CPQ: variants seen among roughly 807,000 people sequenced by gnomAD.
CPQ encodes carboxypeptidase Q, also known as Ser-Met dipeptidase.
A neutral mutation model predicts 45.7 loss-of-function variants in CPQ; 37 were observed. The ratio of observed to expected loss-of-function variants is 0.81; its 90% CI spans 0.62 to 1.07. The LOEUF (loss-of-function observed/expected upper bound fraction) is 1.07. Ranked by LOEUF, CPQ falls within the 50% of genes least tolerant of loss-of-function variation. The probability of loss-of-function intolerance (pLI) is 0.00; values close to 1 mark genes in which losing one functional copy is unlikely to be tolerated. For missense variants in CPQ, 537 were observed against 572.9 expected (o/e 0.94, Z 0.64); for synonymous variants, 186 against 205.8 (o/e 0.90, Z 0.82).
intron 7 of CPQ, among the ~76,000 whole-genome samples, chr8:97,088,492 C>G (rs980738959): frequency 6.6e-6 from 1 of 152,150 alleles, no homozygotes; most frequent in Non-Finnish European, 1.5e-5. Flanking sequence ...ACTGCGCAAC[C>G]TAGAATGGCA....
intron 7 of CPQ, among the ~76,000 whole-genome samples, chr8:97,112,567 T>G (rs1811515483): frequency 6.6e-6 from 1 of 152,220 alleles, no homozygotes; most frequent in Non-Finnish European, 1.5e-5. Flanking sequence ...AGCAAGGATA[T>G]TCCCATCACA....
chr8:97,023,097 C>CTA (rs963650082), intron 5 of CPQ, among the ~76,000 whole-genome samples: 6 of 100,564 alleles, frequency 6.0e-5, no homozygotes, highest in South Asian at 3.4e-4. Flanking sequence ...TATGTATATA[C>CTA]TATATATATA....
intron 1 of CPQ, among the ~76,000 whole-genome samples, chr8:96,763,396 A>T (rs1168490889): frequency 3.3e-5 from 5 of 152,150 alleles, no homozygotes; most frequent in African/African-American, 1.2e-4. Flanking sequence ...ACAGCTGTCC[A>T]TATAAATATG....
At chr8:96,953,996 G>A (rs2130342471) in intron 4 of CPQ, among the ~76,000 whole-genome samples, 1 of 152,184 alleles carries the variant, frequency 6.6e-6, no homozygotes, top group Admixed American at 6.6e-5. Context: ...ATATCTCCAA[G>A]GTATTGATGG....
At chr8:96,910,240 GCC>G (rs573333316) in intron 4 of CPQ, among the ~76,000 whole-genome samples, 1 of 152,066 alleles carries the variant, frequency 6.6e-6, no homozygotes, top group Non-Finnish European at 1.5e-5. Flanking sequence ...TAAATGCCTT[GCC>G]CAATATGATA....
intron 5 of CPQ, among the ~76,000 whole-genome samples, chr8:97,028,510 C>T (rs77623189): frequency 6.6e-4 from 101 of 152,384 alleles, no homozygotes; most frequent in Non-Finnish European, 1.2e-3. Context: ...CACAGCTTCA[C>T]ATTTTTCTGT....
chr8:96,778,251 T>A (rs1810642197), intron 1 of CPQ, among the ~76,000 whole-genome samples: 1 of 151,948 alleles, frequency 6.6e-6, no homozygotes, highest in South Asian at 2.1e-4. Flanking sequence ...CCATTTTTGT[T>A]ACTTCTCCAA....
intron 1 of CPQ, among the ~76,000 whole-genome samples, chr8:96,686,901 A>T (rs1446022113): frequency 1.3e-5 from 2 of 152,110 alleles, no homozygotes; most frequent in Admixed American, 1.3e-4. Flanking sequence ...TTTATCTGGG[A>T]TGTGATTTCT....
At chr8:97,045,329 A>T (rs1810226512) in intron 6 of CPQ, among the ~76,000 whole-genome samples, 3 of 152,188 alleles carry the variant, frequency 2.0e-5, no homozygotes, top group Admixed American at 2.0e-4. Context: ...CCATTTTTTA[A>T]GCCCGTCGGA....
chr8:96,698,696 A>G (rs564530734), intron 1 of CPQ, among the ~76,000 whole-genome samples: 2 of 152,018 alleles, frequency 1.3e-5, no homozygotes, highest in Non-Finnish European at 2.9e-5. Flanking sequence ...ATGAATAGAT[A>G]TTTCTCAAAA....
chr8:96,998,573 A>T (rs1407179494), intron 5 of CPQ, among the ~76,000 whole-genome samples: 1 of 151,972 alleles, frequency 6.6e-6, no homozygotes, highest in Non-Finnish European at 1.5e-5. Flanking sequence ...GAGTATTCAT[A>T]TTCCAAAAAG....
At chr8:96,944,556 G>A (rs1327006077) in intron 4 of CPQ, among the ~76,000 whole-genome samples, 1 of 152,114 alleles carries the variant, frequency 6.6e-6, no homozygotes, top group Non-Finnish European at 1.5e-5. Context: ...CTGGAGGTGT[G>A]GAGTTTTTCA....
At position 97,066,058 on chromosome 8, in the gene CPQ, T is replaced by G; in HGVS notation, c.1103T>G (p.Phe368Cys). The G allele has an allele frequency of 6.2e-7, 1 of 1,611,726 alleles. No individual in the cohort carries two copies. Among genetic ancestry groups the G allele is most frequent in the East Asian group, 2.2e-5 (1 of 44,802 alleles). ...GTGATGGAGTCTGACGCAGGAACCT[T>G]CTTACCCACTGGGCTGCAATTCACT... ...SLVMESDAGT[F>C]LPTGLQFTGS... Residue 368 changes from phenylalanine (F) to cysteine (C), a missense_variant, in exon 7 of 8, where the codon TTC becomes TGC. Phe to Cys is a radical substitution (Grantham distance 205). Coordinates refer to ENST00000220763, the MANE Select transcript of CPQ (RefSeq NM_016134.4).
chr8:97,019,612 C>T (rs940083325), intron 5 of CPQ, among the ~76,000 whole-genome samples: 11 of 152,056 alleles, frequency 7.2e-5, no homozygotes, highest in Non-Finnish European at 1.6e-4. Flanking sequence ...AAGGCTCTAG[C>T]AGTTAAAAAA....
rs186524048 is a variant in CPQ at position 96,788,701 on chromosome 8, T to C, written c.433+3371T>C. ...TTTGAGAAGTTTTCAGCTATCATTT[T>C]CACAAATTCTTTTTCTTCCTTTTTT... On this transcript the variant is annotated intron_variant, in intron 2 of 7. Transcript: ENST00000220763. 4.7e-4 allele frequency among the ~76,000 whole-genome samples: 71 copies of C among 152,258 alleles called. 1 individual carries two copies. The highest frequency in any genetic ancestry group is 1.7e-3 in the African/African-American group (71 of 41,584).
intron 6 of CPQ, among the ~76,000 whole-genome samples, chr8:97,032,957 T>C (rs1809934386): frequency 6.6e-6 from 1 of 152,162 alleles, no homozygotes; most frequent in Non-Finnish European, 1.5e-5. Flanking sequence ...GGAAAGGATT[T>C]AGAAAAGGGA....
intron 4 of CPQ, among the ~76,000 whole-genome samples, chr8:96,911,866 A>G (rs1812668659): frequency 6.6e-6 from 1 of 152,188 alleles, no homozygotes; most frequent in Non-Finnish European, 1.5e-5. Flanking sequence ...AGCAGCCCAG[A>G]AGCAGCATCG....
intron 7 of CPQ, among the ~76,000 whole-genome samples, chr8:97,098,127 G>A (rs1563579457): frequency 1.3e-5 from 2 of 152,198 alleles, no homozygotes; most frequent in South Asian, 2.1e-4. Flanking sequence ...TTGATGGAGA[G>A]AGTTGGGGAT....
Position 97,143,065 on chromosome 8 carries a change from A to G in CPQ, c.1301A>G (p.His434Arg), listed in dbSNP as rs1171594533. The G allele has an allele frequency of 2.5e-6, 4 of 1,613,532 alleles. No homozygotes were observed. In the South Asian group the frequency reaches 4.4e-5, roughly 18 times the overall value. ...TTATACAAGTATTTCTTCTTCCATCACTCCCACGGAGACACCATGACTGTC... is the reference window on the plus strand; with the variant it reads ...TTATACAAGTATTTCTTCTTCCATCGCTCCCACGGAGACACCATGACTGTC... The part of the protein sequence containing the change: ...DDLYKYFFFH[H>R]SHGDTMTVMD... The change falls in exon 8 of 8, where the codon CAC becomes CGC. Residue 434 changes from histidine (H) to arginine (R), a missense_variant. His to Arg is a conservative substitution (Grantham distance 29). Transcript: ENST00000220763.
Sources: gnomAD v4.1 joint callset for allele counts (sites outside exome capture counted in the v4.1 genomes callset) on GRCh38, gnomAD v4.1.1 for gene constraint, MANE v1.5 for transcripts, NCBI Gene and HGNC (gene_info 2026-07-23, HGNC 2026-07-21) for gene names.